The following OTOG variants were observed in gnomAD, a reference collection of about 807,000 sequenced individuals.
OTOG encodes otogelin.
Under a neutral mutation model 313.8 loss-of-function variants are expected in OTOG, and 296 were observed. That is an observed-to-expected ratio of 0.94 (90% confidence interval 0.86 to 1.04). OTOG has a LOEUF of 1.04. Among genes scored for constraint, OTOG ranks in the 50% least tolerant of loss-of-function variants. The pLI, the probability that OTOG is intolerant of heterozygous loss-of-function variation, is 0.00. For synonymous variants in OTOG, 1,533 were observed against 1,554.9 expected, an observed-to-expected ratio of 0.99 and a Z score of 0.33; for missense variants, 3,948 against 3,840.1, an observed-to-expected ratio of 1.03 and a Z score of -0.74.
intron 15 of OTOG, among the ~76,000 whole-genome samples, chr11:17,564,308 G>A (rs1251386837): frequency 6.6e-6 from 1 of 152,168 alleles, no homozygotes; most frequent in African/African-American, 2.4e-5. Context: ...GCCATCACAG[G>A]GGAGTTCTGT....
rs774109797 is a variant in OTOG at position 17,641,097 on chromosome 11, G to C, written c.8190+6G>C. 6.8e-7 allele frequency: 1 copy of C among 1,470,682 alleles called. No individual in the cohort carries two copies. The highest frequency in any genetic ancestry group is 9.2e-7 in the Non-Finnish European group (1 of 1,090,798). The allele number at this position is 1,470,682 out of a possible 1,614,324, so 91.1% of individuals were successfully genotyped here. ...GTGACATCCACTGTGAGGCGGTAGG[G>C]TGCAGCCCAGGGCGGGGTGGGTGGG... On this transcript the variant is annotated splice_donor_region_variant and intron_variant, in intron 51 of 55. Transcript: ENST00000399397.
In OTOG at chr11:17,573,194, G is replaced by C. The variant is rs762229143; in HGVS notation, c.2197G>C (p.Gly733Arg). 49 of 1,539,388 alleles carry C rather than the reference G, an allele frequency of 3.2e-5. No individual in the cohort carries two copies. In the Middle Eastern group the frequency reaches 5.0e-4, roughly 16 times the overall value. Residue 733 changes from glycine to arginine, a missense_variant, in exon 19 of 56, where the codon GGG becomes CGG. Gly to Arg is a moderately radical substitution (Grantham distance 125, BLOSUM62 -2). Coordinates refer to ENST00000399397, the MANE Select transcript of OTOG (RefSeq NM_001292063.2). ...EQCRRDACRC[G>R]QPCLCATLAH... is the part of the protein sequence containing the mutation. ...GTGCCGCAGGGATGCCTGCCGCTGC[G>C]GGCAGCCCTGCCTGTGCGCCACACT...
At chr11:17,641,181 G>C in intron 51 of OTOG, 90 bp downstream of exon 51, 1 of 1,378,200 alleles carries the variant, frequency 7.3e-7, no homozygotes, top group Non-Finnish European at 9.8e-7. Flanking sequence ...GGCCCTTGAA[G>C]CTGCCCTAAA....
At chr11:17,575,000 C>A (rs1186542922) in intron 20 of OTOG, 88 bp downstream of exon 20, 1 of 1,274,740 alleles carries the variant, frequency 7.8e-7, no homozygotes, top group Non-Finnish European at 1.0e-6. Flanking sequence ...CCTGGCTGGG[C>A]CTCTTGTGTC....
rs2133990473 is a variant in OTOG, at chr11:17,548,230, A to G, written c.216+18A>G. The G allele has an allele frequency of 4.6e-6, 7 of 1,537,758 alleles. No individual in the cohort carries two copies. On this transcript the variant is annotated intron_variant, in intron 3 of 55. Transcript: ENST00000399397. Reference sequence around the variant, plus strand: ...GAGGCCAGGTAAGGGAGGTCTTGGGAGGGGGCTTCATTGAGCAGGAGCTCA... The same window carrying G: ...GAGGCCAGGTAAGGGAGGTCTTGGGGGGGGGCTTCATTGAGCAGGAGCTCA...
chr11:17,583,237 C>T (rs1324065661), intron 23 of OTOG, among the ~76,000 whole-genome samples: 3 of 152,072 alleles, frequency 2.0e-5, no homozygotes, highest in Non-Finnish European at 4.4e-5. Flanking sequence ...TTAGCTCAAG[C>T]GATTCTCCCG....
At chr11:17,559,785 AG>A in intron 12 of OTOG, 123 bp downstream of exon 12, 1 of 246,086 alleles carries the variant, frequency 4.1e-6, no homozygotes, top group Non-Finnish European at 8.5e-6. Context: ...GGAGGGAGGG[AG>A]GGAGGAAGGA....
intron 15 of OTOG, among the ~76,000 whole-genome samples, chr11:17,567,111 G>A (rs182316436): frequency 9.9e-5 from 15 of 152,224 alleles, no homozygotes; most frequent in Non-Finnish European, 1.6e-4. Context: ...GAATTTAAGT[G>A]ACTTCTTTAA....
intron 39 of OTOG, among the ~76,000 whole-genome samples, chr11:17,625,841 G>C (rs1266480614): frequency 6.6e-6 from 1 of 152,112 alleles, no homozygotes; most frequent in Non-Finnish European, 1.5e-5. Context: ...TTGGTTGCCT[G>C]TGCTTTTGGG....
At chr11:17,621,521 A>G (rs528387845) in intron 39 of OTOG, among the ~76,000 whole-genome samples, 2 of 152,180 alleles carry the variant, frequency 1.3e-5, no homozygotes, top group East Asian at 3.9e-4. Flanking sequence ...ACCTGCATAC[A>G]TTGATCAATA....
At chr11:17,598,107 G>T (rs1590030728) in intron 30 of OTOG, among the ~76,000 whole-genome samples, 1 of 152,202 alleles carries the variant, frequency 6.6e-6, no homozygotes, top group East Asian at 1.9e-4. Flanking sequence ...AAGGACACTT[G>T]CTGAGGGTCC....
intron 31 of OTOG, 44 bp downstream of exon 31, chr11:17,599,741 T>G: frequency 6.5e-7 from 1 of 1,542,392 alleles, no homozygotes; most frequent in Non-Finnish European, 8.8e-7. Flanking sequence ...GCTCAGGCAC[T>G]GCCAGCCCTG....
chr11:17,582,201 C>T (rs1852685451), intron 23 of OTOG, among the ~76,000 whole-genome samples: 1 of 152,168 alleles, frequency 6.6e-6, no homozygotes, highest in Non-Finnish European at 1.5e-5. Context: ...CCGTTGTAGT[C>T]AATCCTACCC....
chr11:17,580,300 A>G (rs1852637013), intron 23 of OTOG, among the ~76,000 whole-genome samples: 1 of 152,210 alleles, frequency 6.6e-6, no homozygotes, highest in Non-Finnish European at 1.5e-5. Flanking sequence ...TCCACTTCCT[A>G]ACTGAGTTAA....
rs1055222098 is a variant in OTOG at position 17,606,141 on chromosome 11, C to T, written c.4156+6C>T. ...CACACTCTTCCGCCTTCTGGGTAGGCGACCCCCTGCCATTGCCCTCGGCCC... is the reference window on the plus strand; with the variant it reads ...CACACTCTTCCGCCTTCTGGGTAGGTGACCCCCTGCCATTGCCCTCGGCCC... On this transcript the variant is annotated splice_donor_region_variant and intron_variant, in intron 33 of 55. Coordinates refer to ENST00000399397, the MANE Select transcript of OTOG (RefSeq NM_001292063.2). 30 of 1,521,676 alleles carry T rather than the reference C, an allele frequency of 2.0e-5. No homozygotes were observed. Among genetic ancestry groups the T allele is most frequent in the African/African-American group, 2.8e-5 (2 of 72,618 alleles). 94.3% of individuals were successfully genotyped at this position (1,521,676 alleles called of 1,614,324 possible). A position where few individuals can be genotyped will look rare whatever the true frequency, so the allele number is the denominator to read the frequency against.
chr11:17,599,293 A>C (rs1182952991), intron 30 of OTOG, among the ~76,000 whole-genome samples: 5 of 152,058 alleles, frequency 3.3e-5, no homozygotes, highest in Non-Finnish European at 7.4e-5. Flanking sequence ...TTGTGCTTGC[A>C]TTCCTCTGGG....
intron 4 of OTOG, 73 bp downstream of exon 4, chr11:17,552,148 G>A: frequency 7.0e-7 from 1 of 1,423,000 alleles, no homozygotes; most frequent in African/African-American, 1.4e-5. Flanking sequence ...AAGGGCAGAG[G>A]GCAGGTGGGG....
intron 39 of OTOG, among the ~76,000 whole-genome samples, chr11:17,614,828 A>G (rs1853683276): frequency 6.6e-6 from 1 of 152,244 alleles, no homozygotes; most frequent in African/African-American, 2.4e-5. Context: ...GTTTGGTACA[A>G]TAACAAATAA....
chr11:17,612,878 C>T, intron 38 of OTOG, 113 bp downstream of exon 38: 1 of 1,267,076 alleles, frequency 7.9e-7, no homozygotes, highest in South Asian at 1.6e-5. Context: ...TGGAAGCCCC[C>T]CTGAGCTCCC....
Sources: allele counts gnomAD v4.1 joint callset (sites outside exome capture counted in the v4.1 genomes callset), GRCh38; gene constraint gnomAD v4.1.1; transcripts MANE v1.5; gene names NCBI Gene and HGNC (gene_info 2026-07-23, HGNC 2026-07-21).